Variants in PARVB observed in about 807,000 individuals in gnomAD.
PARVB encodes parvin beta, also known as beta-parvin.
A neutral mutation model predicts 47.0 loss-of-function variants in PARVB; 46 were observed. The ratio of observed to expected loss-of-function variants is 0.98; its 90% CI spans 0.77 to 1.25. The LOEUF (loss-of-function observed/expected upper bound fraction) is 1.25, where lower values mean the gene tolerates loss of function less well. Ranked by LOEUF, PARVB falls within the 50% of genes most tolerant of loss-of-function variation. The probability of loss-of-function intolerance (pLI) is 0.00; values close to 1 mark genes in which losing one functional copy is unlikely to be tolerated. For missense variants in PARVB, 473 were observed against 471.6 expected (o/e 1.00, Z -0.03); for synonymous variants, 196 against 196.3 (o/e 1.00, Z 0.01).
intron 1 of PARVB, among the ~76,000 whole-genome samples, chr22:44,076,564 T>A (rs2051778057): frequency 6.6e-6 from 1 of 152,210 alleles, no homozygotes; most frequent in South Asian, 2.1e-4. Flanking sequence ...CACATGCAGC[T>A]GTGCGTGGGG....
chr22:44,094,353 T>C (rs1428888415), intron 2 of PARVB, among the ~76,000 whole-genome samples: 5 of 150,182 alleles, frequency 3.3e-5, no homozygotes, highest in Admixed American at 3.3e-4. Flanking sequence ...GGCCATGCCA[T>C]GCCACGCCAT....
intron 1 of PARVB, among the ~76,000 whole-genome samples, chr22:44,065,178 CT>C (rs985804805): frequency 1.6e-4 from 25 of 151,912 alleles, no homozygotes; most frequent in Admixed American, 1.4e-3. Flanking sequence ...TGTGGGGACC[CT>C]TTGTCTATCT....
intron 1 of PARVB, among the ~76,000 whole-genome samples, chr22:44,050,996 C>T (rs2051198598): frequency 1.3e-5 from 2 of 152,192 alleles, no homozygotes; most frequent in Admixed American, 1.3e-4. Context: ...CCCTTTCAGG[C>T]ACTGGGCGCC....
chr22:44,101,388 C>T (rs148179376), intron 3 of PARVB, among the ~76,000 whole-genome samples: 7 of 149,792 alleles, frequency 4.7e-5, no homozygotes, highest in African/African-American at 7.5e-5. Flanking sequence ...CCAACCTGGG[C>T]GACAGCGAGG....
intron 1 of PARVB, among the ~76,000 whole-genome samples, chr22:44,073,790 C>T (rs1008849993): frequency 6.6e-6 from 1 of 152,258 alleles, no homozygotes; most frequent in Non-Finnish European, 1.5e-5. Flanking sequence ...CTGGGACCAG[C>T]TCTGGGGCCA....
intron 1 of PARVB, among the ~76,000 whole-genome samples, chr22:44,070,699 C>T (rs1367257973): frequency 6.6e-6 from 1 of 152,156 alleles, no homozygotes; most frequent in Non-Finnish European, 1.5e-5. Context: ...ATAGACCTTG[C>T]AATAAAAGGC....
At chr22:44,164,076 G>C in intron 12 of PARVB, 146 bp downstream of exon 12, 2 of 549,546 alleles carry the variant, frequency 3.6e-6, no homozygotes, top group Non-Finnish European at 6.3e-6. Flanking sequence ...GCCAACCCCA[G>C]CTCCTCAGTC....
intron 1 of PARVB, among the ~76,000 whole-genome samples, chr22:44,066,708 G>T (rs956202537): frequency 1.3e-5 from 2 of 151,186 alleles, no homozygotes; most frequent in Admixed American, 1.3e-4. Flanking sequence ...GATCATAAGG[G>T]TTCTTTCTTG....
chr22:44,005,649 C>T (rs988035865), intron 2 of PARVB, among the ~76,000 whole-genome samples: 19 of 152,072 alleles, frequency 1.2e-4, no homozygotes, highest in South Asian at 2.1e-4. Flanking sequence ...ACCCAAGTAA[C>T]GAAAGGATCA....
chr22:44,031,740 G>A (rs1158043310), intron 1 of PARVB, among the ~76,000 whole-genome samples: 1 of 152,040 alleles, frequency 6.6e-6, no homozygotes, highest in East Asian at 1.9e-4. Context: ...CGCGCTCCCT[G>A]TCCAGTCGTC....
intron 1 of PARVB, among the ~76,000 whole-genome samples, chr22:44,040,341 A>C (rs931096423): frequency 1.3e-5 from 2 of 152,224 alleles, no homozygotes; most frequent in Admixed American, 1.3e-4. Context: ...TAGTAGTACC[A>C]AAAATGTCTA....
At position 44,171,675 on chromosome 22, in the gene PARVB, C is replaced by G. The variant is rs2054270722; in HGVS notation, c.*2997C>G. ...ATCTAGTAAACCAGTAAACCCATGC[C>G]TATCCTCATGCCCACGTCACACTCT... On this transcript the variant is annotated 3_prime_UTR_variant, in exon 13 of 13. Coordinates refer to ENST00000338758, the MANE Select transcript of PARVB (RefSeq NM_013327.5). 6.6e-6 allele frequency: 1 copy of G among 151,978 alleles called. No individual in the cohort carries two copies. 9.4% of individuals were successfully genotyped at this position (151,978 alleles called of 1,614,324 possible).
chr22:44,119,956 G>A (rs2053006178), intron 4 of PARVB: 1 of 450,442 alleles, frequency 2.2e-6, no homozygotes, highest in African/African-American at 2.0e-5. Flanking sequence ...TGATGCATGA[G>A]AGGAATTCTT....
At chr22:44,137,612 C>T (rs1434836207) in intron 7 of PARVB, among the ~76,000 whole-genome samples, 1 of 152,182 alleles carries the variant, frequency 6.6e-6, no homozygotes, top group Admixed American at 6.5e-5. Context: ...GTTGTTCAGC[C>T]AGTCTCGCCT....
chr22:44,061,628 T>A (rs76874698), intron 1 of PARVB, among the ~76,000 whole-genome samples: 4,878 of 151,670 alleles, frequency 0.032, 259 homozygotes, highest in African/African-American at 0.11. Flanking sequence ...TCAGATTCTT[T>A]TTTTTTTGAG....
chr22:44,115,825 G>A (rs2052879454), intron 3 of PARVB: 1 of 143,354 alleles, frequency 7.0e-6, no homozygotes, highest in African/African-American at 2.7e-5. Flanking sequence ...TGTTACTAAG[G>A]CCCTACACCA....
At chr22:44,020,698 A>G (rs1346343106), upstream of PARVB, among the ~76,000 whole-genome samples, 7 of 152,160 alleles carry the variant, frequency 4.6e-5, no homozygotes, top group Non-Finnish European at 1.0e-4. Context: ...GAGGAGGGGC[A>G]TTAAGCTTCC....
intron 1 of PARVB, among the ~76,000 whole-genome samples, chr22:44,035,491 C>T (rs966089213): frequency 2.0e-5 from 3 of 151,898 alleles, no homozygotes; most frequent in African/African-American, 7.3e-5. Flanking sequence ...CTGCCTCAGC[C>T]TCCCAAGTAG....
chr22:44,001,320 C>A (rs1006085146), intron 2 of PARVB, among the ~76,000 whole-genome samples: 2 of 152,194 alleles, frequency 1.3e-5, no homozygotes, highest in Non-Finnish European at 2.9e-5. Flanking sequence ...TCAGGAAAAT[C>A]TAAGTACAGA....
Sources: allele counts gnomAD v4.1 joint callset (sites outside exome capture counted in the v4.1 genomes callset), GRCh38; gene constraint gnomAD v4.1.1; transcripts MANE v1.5; gene names NCBI Gene and HGNC (gene_info 2026-07-23, HGNC 2026-07-21).